The following MYOCD variants were observed in gnomAD, a reference collection of about 807,000 sequenced individuals.
The protein encoded by MYOCD is myocardin.
Under a neutral mutation model 96.1 loss-of-function variants are expected in MYOCD, and 32 were observed. That is an observed-to-expected ratio of 0.33 (90% CI 0.25 to 0.45). The LOEUF (loss-of-function observed/expected upper bound fraction) is 0.45. MYOCD is among the 20% of genes least tolerant of loss of function. The pLI is 1.00. For missense variants in MYOCD, 1,133 were observed against 1,200.6 expected (o/e 0.94, Z 0.83); for synonymous variants, 469 against 469.0 (o/e 1.00, Z 0.00).
At chr17:12,726,481 T>TA (rs541369406) in intron 5 of MYOCD, among the ~76,000 whole-genome samples, 1 of 152,136 alleles carries the variant, frequency 6.6e-6, no homozygotes, top group Non-Finnish European at 1.5e-5. Flanking sequence ...ATCCACTTAT[T>TA]AAAAAAAATC....
At chr17:12,722,266 C>T (rs909064732) in intron 4 of MYOCD, among the ~76,000 whole-genome samples, 2 of 152,178 alleles carry the variant, frequency 1.3e-5, no homozygotes, top group Non-Finnish European at 2.9e-5. Context: ...CTGTACGTGA[C>T]CTTTCACACC....
At chr17:12,700,334 C>A (rs1195476139) in intron 1 of MYOCD, among the ~76,000 whole-genome samples, 1 of 147,450 alleles carries the variant, frequency 6.8e-6, no homozygotes, top group African/African-American at 2.5e-5. Context: ...CAATCTAAGT[C>A]AAAATGGCTT....
In MYOCD at chr17:12,752,582, A is replaced by G; in HGVS notation, c.1294A>G (p.Asn432Asp). The G allele has an allele frequency of 6.2e-7, 1 of 1,614,126 alleles. No individual in the cohort carries two copies. The highest frequency in any genetic ancestry group is 1.1e-5 in the South Asian group (1 of 91,072). The stretch of plus-strand genomic sequence containing the variant: ...TCCTGTCACACCCAACACGCTGCCC[A>G]ATTACCAGTCTTCCTCTTCTACCAG... The part of the protein sequence containing the change: ...TFPVTPNTLP[N>D]YQSSSSTSAL... The change falls in exon 10 of 14, where the codon AAT (asparagine) becomes GAT (aspartate). Residue 432 changes from asparagine to aspartate, a missense_variant. Transcript: ENST00000425538.
chr17:12,723,033 C>T (rs1205925172), intron 5 of MYOCD, 25 bp downstream of exon 5: 2 of 1,603,072 alleles, frequency 1.2e-6, no homozygotes, highest in Non-Finnish European at 1.7e-6. Flanking sequence ...TGGCATGTCT[C>T]TCCTTGGTGC....
At chr17:12,707,166 C>T (rs969522666) in intron 2 of MYOCD, among the ~76,000 whole-genome samples, 5 of 152,232 alleles carry the variant, frequency 3.3e-5, no homozygotes. Context: ...ATGCAATCTA[C>T]ATGCATTTCA....
intron 1 of MYOCD, among the ~76,000 whole-genome samples, chr17:12,704,029 C>T (rs796762486): frequency 2.8e-4 from 42 of 152,240 alleles, no homozygotes; most frequent in African/African-American, 8.7e-4. Flanking sequence ...TGACCCATCT[C>T]GAGGTTTGCA....
chr17:12,695,189 G>A (rs1291560171), intron 1 of MYOCD, among the ~76,000 whole-genome samples: 7 of 152,160 alleles, frequency 4.6e-5, no homozygotes, highest in Non-Finnish European at 7.3e-5. Flanking sequence ...ATTTCTCACC[G>A]TTCCAGAGGC....
intron 9 of MYOCD, among the ~76,000 whole-genome samples, chr17:12,748,063 G>A (rs566426913): frequency 4.7e-4 from 71 of 150,742 alleles, no homozygotes; most frequent in African/African-American, 1.6e-3. Flanking sequence ...TCGGGAGGCT[G>A]AGGCGGGAGA....
rs974042517 is a variant in MYOCD, at chr17:12,678,552, G to A, written c.55+12309G>A. Among the ~76,000 whole-genome samples, 13 of 151,872 alleles carry A rather than the reference G, an allele frequency of 8.6e-5. 1 individual carries two copies. Among genetic ancestry groups the A allele is most frequent in the South Asian group, 6.2e-4 (3 of 4,820 alleles). On this transcript the variant is annotated intron_variant, in intron 1 of 13. Coordinates refer to ENST00000425538, the MANE Select transcript of MYOCD (RefSeq NM_001146312.3). The stretch of plus-strand genomic sequence containing the variant: ...ATAAAACCAAAGAGAGAGAGAGAGA[G>A]AAAACAAAGTTTTGAGGATAGACAG...
chr17:12,715,397 G>A (rs1385981676), intron 2 of MYOCD, 122 bp from the exon 3 acceptor site: 1 of 664,946 alleles, frequency 1.5e-6, no homozygotes, highest in African/African-American at 1.8e-5. Flanking sequence ...CATTGCTTGT[G>A]GCCTAATAAA....
In MYOCD at chr17:12,758,186, T is replaced by A. The variant is rs1375074821; in HGVS notation, c.2304T>A (p.Pro768=). 6.2e-7 allele frequency: 1 copy of A among 1,614,136 alleles called. No individual in the cohort carries two copies. The highest frequency in any genetic ancestry group is 8.5e-7 in the Non-Finnish European group (1 of 1,179,980). Residue 768 remains proline (P), a synonymous_variant, in exon 12 of 14, where the codon CCT becomes CCA. Transcript: ENST00000425538. ...SSSAISEVTQ[P]PSYEDAVKQQ... ...CAGCAATTTCAGAGGTAACACAGCC[T>A]CCATCCTATGAAGATGCCGTAAAGC...
intron 13 of MYOCD, chr17:12,761,966 A>T (rs1185005871): frequency 6.6e-6 from 1 of 152,300 alleles, no homozygotes; most frequent in Non-Finnish European, 1.5e-5. Flanking sequence ...AGGCCAGAAA[A>T]GCGTGAGGAT....
chr17:12,703,792 CTGTCT>C (rs1364891675), intron 1 of MYOCD, among the ~76,000 whole-genome samples: 2 of 151,962 alleles, frequency 1.3e-5, no homozygotes, highest in African/African-American at 4.8e-5. Context: ...TCAGTTTGAT[CTGTCT>C]TCAAGTTTAC....
At chr17:12,757,786 G>A (rs534382393) in intron 11 of MYOCD, among the ~76,000 whole-genome samples, 1 of 151,956 alleles carries the variant, frequency 6.6e-6, no homozygotes, top group Non-Finnish European at 1.5e-5. Context: ...GAGCCATCAC[G>A]CCTAGCCTGA....
In MYOCD at chr17:12,766,409, A is replaced by G. The variant is rs2033342001; in HGVS notation, c.*2765A>G. On this transcript the variant is annotated 3_prime_UTR_variant, in exon 14 of 14. Transcript: ENST00000425538. ...TTCCTATATCCTAATGCAAACCAAC[A>G]CAGTTAAAAGAGCAGATCTCTGGAT... is the stretch of plus-strand genomic sequence containing the variant. The G allele has an allele frequency of 6.6e-6, 1 of 152,172 alleles. No homozygotes were observed. The highest frequency in any genetic ancestry group is 2.1e-4 in the South Asian group (1 of 4,832). The allele number at this position is 152,172 out of a possible 1,614,324, so 9.4% of individuals were successfully genotyped here.
At chr17:12,681,655 G>A (rs1175117090) in intron 1 of MYOCD, among the ~76,000 whole-genome samples, 2 of 152,160 alleles carry the variant, frequency 1.3e-5, no homozygotes, top group Admixed American at 6.5e-5. Context: ...AAAGGAAGCA[G>A]AGCCGGGACA....
In MYOCD at chr17:12,763,352, T is replaced by C; in HGVS notation, c.2669T>C (p.Phe890Ser). 1 of 1,600,096 alleles carries C rather than the reference T, an allele frequency of 6.2e-7. No homozygotes were observed. Among genetic ancestry groups the C allele is most frequent in the Middle Eastern group, 1.7e-4 (1 of 5,940 alleles). The change falls in exon 14 of 14, where the codon TTC becomes TCC. Residue 890 changes from phenylalanine to serine, a missense_variant. Coordinates refer to ENST00000425538, the MANE Select transcript of MYOCD (RefSeq NM_001146312.3). ...EPHFDGIMDG[F>S]SGKAAEDLFN... ...CACTTTGATGGGATAATGGATGGAT[T>C]CTCTGGGAAGGCTGCAGAAGACCTC...
Position 12,765,189 on chromosome 17 carries a change from C to G in MYOCD, c.*1545C>G, listed in dbSNP as rs2033304055. 6.6e-6 allele frequency: 1 copy of G among 152,034 alleles called. No homozygotes were observed. The highest frequency in any genetic ancestry group is 6.6e-5 in the Admixed American group (1 of 15,246). 9.4% of individuals were successfully genotyped at this position (152,034 alleles called of 1,614,324 possible). On this transcript the variant is annotated 3_prime_UTR_variant, in exon 14 of 14. Transcript: ENST00000425538. ...GTTGGAAAAAGCTAAAATTTCAGAA[C>G]AGTCTCTGTAAGGCTCTCTGTGGCT...
intron 6 of MYOCD, among the ~76,000 whole-genome samples, chr17:12,737,126 G>A (rs781416116): frequency 9.9e-5 from 15 of 151,964 alleles, no homozygotes; most frequent in South Asian, 6.3e-4. Flanking sequence ...ATGGTGGTGC[G>A]CGCCTGTAAT....
Sources: gnomAD v4.1 joint callset for allele counts (sites outside exome capture counted in the v4.1 genomes callset) on GRCh38, gnomAD v4.1.1 for gene constraint, MANE v1.5 for transcripts, NCBI Gene and HGNC (gene_info 2026-07-23, HGNC 2026-07-21) for gene names.